The following KCNIP4 variants were observed in gnomAD, a reference collection of about 807,000 sequenced individuals.
The protein encoded by KCNIP4 is Kv channel-interacting protein 4.
A neutral mutation model predicts 34.0 loss-of-function variants in KCNIP4; 12 were observed. That is an observed-to-expected ratio of 0.35 (90% CI 0.23 to 0.57). The LOEUF (loss-of-function observed/expected upper bound fraction) is 0.57, where lower values mean the gene tolerates loss of function less well. Among genes scored for constraint, KCNIP4 ranks in the 20% least tolerant of loss-of-function variants. The probability of loss-of-function intolerance (pLI) is 0.83; values close to 1 mark genes in which losing one functional copy is unlikely to be tolerated. For synonymous variants in KCNIP4, 124 were observed against 102.2 expected, an observed-to-expected ratio of 1.21 and a Z score of -1.29; for missense variants, 238 against 311.7, an observed-to-expected ratio of 0.76 and a Z score of 1.78.
rs138289005 is a variant in KCNIP4 at position 21,451,580 on chromosome 4, A to C, written c.61+496991T>G. On this transcript the variant is annotated intron_variant, in intron 1 of 8. Coordinates refer to ENST00000382152, the MANE Select transcript of KCNIP4 (RefSeq NM_025221.6). ...AAAATGTGAATGTCCTTTAAGTTGT[A>C]ACATGCTGTATAGAAGTTAGTGGTA... Among the ~76,000 whole-genome samples, 319 of 152,310 alleles carry C rather than the reference A, an allele frequency of 2.1e-3. 1 individual carries two copies. The highest frequency in any genetic ancestry group is 7.3e-3 in the African/African-American group (305 of 41,560).
chr4:21,299,805 C>G (rs1764054919), intron 1 of KCNIP4, among the ~76,000 whole-genome samples: 1 of 152,166 alleles, frequency 6.6e-6, no homozygotes. Flanking sequence ...CCACTTCTGT[C>G]AACAGCACAG....
intron 1 of KCNIP4, among the ~76,000 whole-genome samples, chr4:20,927,387 G>C (rs1490646350): frequency 1.3e-5 from 2 of 152,158 alleles, no homozygotes; most frequent in African/African-American, 4.8e-5. Flanking sequence ...AAAAGAAAAA[G>C]AAGTGTGTGG....
intron 1 of KCNIP4, among the ~76,000 whole-genome samples, chr4:20,896,010 G>A (rs1430904046): frequency 6.6e-6 from 1 of 152,082 alleles, no homozygotes; most frequent in Non-Finnish European, 1.5e-5. Context: ...TAAATTAACT[G>A]GGCCAAAAAC....
intron 1 of KCNIP4, among the ~76,000 whole-genome samples, chr4:21,347,122 C>A (rs1717517001): frequency 6.6e-6 from 1 of 152,112 alleles, no homozygotes; most frequent in Non-Finnish European, 1.5e-5. Context: ...AAGAGAAAAC[C>A]ACTTCAGATA....
rs111781931 is a variant in KCNIP4 at position 21,924,490 on chromosome 4, C to T, written c.61+24081G>A. On this transcript the variant is annotated intron_variant, in intron 1 of 8. Transcript: ENST00000382152. ...CTATCTGCTGACCTCATGATCTGTC[C>T]GTCTCGGCCTCCCAAAGTGCTGGGA... Among the ~76,000 whole-genome samples the T allele has an allele frequency of 2.2e-3, 331 of 152,062 alleles. 2 individuals carry two copies. The highest frequency in any genetic ancestry group is 7.4e-3 in the African/African-American group (308 of 41,484).
At chr4:20,822,729 C>T (rs950992399) in intron 3 of KCNIP4, among the ~76,000 whole-genome samples, 12 of 151,974 alleles carry the variant, frequency 7.9e-5, no homozygotes, top group Non-Finnish European at 1.6e-4. Context: ...TTTCACGGGG[C>T]CAGGGGTGGA....
chr4:21,870,952 C>T (rs558091635), intron 1 of KCNIP4, among the ~76,000 whole-genome samples: 56 of 151,614 alleles, frequency 3.7e-4, no homozygotes, highest in African/African-American at 1.2e-3. Flanking sequence ...AAATTCAAAT[C>T]GAGTAAGAAA....
chr4:21,286,764 C>A (rs541664835), intron 1 of KCNIP4, among the ~76,000 whole-genome samples: 1 of 152,074 alleles, frequency 6.6e-6, no homozygotes, highest in African/African-American at 2.4e-5. Context: ...GAGATTTAGA[C>A]AAATTAAAAA....
chr4:21,005,017 A>C (rs1215697516), intron 1 of KCNIP4, among the ~76,000 whole-genome samples: 1 of 152,158 alleles, frequency 6.6e-6, no homozygotes, highest in African/African-American at 2.4e-5. Flanking sequence ...ATAAGGTGTT[A>C]TTTGGCTTTG....
At chr4:21,489,978 C>G (rs1297252311) in intron 1 of KCNIP4, among the ~76,000 whole-genome samples, 4 of 152,078 alleles carry the variant, frequency 2.6e-5, no homozygotes, top group Admixed American at 2.0e-4. Context: ...TATTTCTGAG[C>G]AGTTAATTTA....
chr4:20,782,760 T>A (rs947730841), intron 3 of KCNIP4, among the ~76,000 whole-genome samples: 5 of 152,268 alleles, frequency 3.3e-5, no homozygotes, highest in African/African-American at 1.2e-4. Context: ...GGAGACACTT[T>A]CCCCATTGTC....
At chr4:21,270,137 T>C (rs1452813672) in intron 1 of KCNIP4, among the ~76,000 whole-genome samples, 3 of 152,198 alleles carry the variant, frequency 2.0e-5, no homozygotes, top group Non-Finnish European at 4.4e-5. Flanking sequence ...TCAAAGACTT[T>C]TCAGGCTCTG....
chr4:20,823,860 C>G (rs1717401981), intron 3 of KCNIP4, among the ~76,000 whole-genome samples: 1 of 152,034 alleles, frequency 6.6e-6, no homozygotes, highest in Non-Finnish European at 1.5e-5. Context: ...ATAGTCAAAG[C>G]CTTAAAATTG....
intron 1 of KCNIP4, among the ~76,000 whole-genome samples, chr4:21,387,436 A>G (rs1257204436): frequency 1.3e-5 from 2 of 152,200 alleles, no homozygotes; most frequent in Non-Finnish European, 2.9e-5. Context: ...CCTAAAATAC[A>G]CTTGGTTACT....
intron 1 of KCNIP4, among the ~76,000 whole-genome samples, chr4:21,808,885 G>C (rs946469558): frequency 4.6e-5 from 7 of 152,170 alleles, no homozygotes; most frequent in African/African-American, 1.4e-4. Flanking sequence ...CAAGGAGAGA[G>C]TGGCTCTGAG....
chr4:21,489,419 C>T (rs1278060037), intron 1 of KCNIP4, among the ~76,000 whole-genome samples: 1 of 151,144 alleles, frequency 6.6e-6, no homozygotes, highest in African/African-American at 2.4e-5. Flanking sequence ...AATGACTTTT[C>T]AAAAAACCTT....
chr4:21,451,194 T>C (rs1434665933), intron 1 of KCNIP4, among the ~76,000 whole-genome samples: 1 of 152,156 alleles, frequency 6.6e-6, no homozygotes, highest in Non-Finnish European at 1.5e-5. Flanking sequence ...CTAGTTTTTG[T>C]TCTGTGGTTA....
At chr4:21,776,055 T>C (rs1479501637) in intron 1 of KCNIP4, among the ~76,000 whole-genome samples, 1 of 152,210 alleles carries the variant, frequency 6.6e-6, no homozygotes, top group Non-Finnish European at 1.5e-5. Context: ...GTTGGGACAC[T>C]AAGCCCTGGT....
intron 1 of KCNIP4, among the ~76,000 whole-genome samples, chr4:21,806,926 T>C (rs1267319247): frequency 6.6e-6 from 1 of 152,060 alleles, no homozygotes; most frequent in African/African-American, 2.4e-5. Context: ...GCACTTTATT[T>C]CTATTATTAT....
Sources: allele counts gnomAD v4.1 joint callset (sites outside exome capture counted in the v4.1 genomes callset), GRCh38; gene constraint gnomAD v4.1.1; transcripts MANE v1.5; gene names NCBI Gene and HGNC (gene_info 2026-07-23, HGNC 2026-07-21).